NGEF: variants seen among roughly 807,000 people sequenced by gnomAD.
NGEF encodes neuronal guanine nucleotide exchange factor, also known as ephexin-1.
NGEF carries 31 observed loss-of-function variants against 80.9 expected under a neutral mutation model. The ratio of observed to expected loss-of-function variants is 0.38; its 90% CI spans 0.29 to 0.52. NGEF has a LOEUF of 0.52. Ranked by LOEUF, NGEF falls within the 20% of genes least tolerant of loss-of-function variation. NGEF has a pLI of 0.84. For missense variants in NGEF, 709 were observed against 926.2 expected (o/e 0.77, Z 3.04); for synonymous variants, 371 against 370.2 (o/e 1.00, Z -0.03).
intron 5 of NGEF, among the ~76,000 whole-genome samples, chr2:232,896,526 A>AGGTAG (rs1215344067): frequency 3.3e-5 from 1 of 30,318 alleles, no homozygotes; most frequent in Admixed American, 4.4e-4. Context: ...GGTAAGGGTG[A>AGGTAG]GGGTGGGGGT....
At chr2:232,912,228 T>C (rs1167247093) in intron 5 of NGEF, among the ~76,000 whole-genome samples, 4 of 152,226 alleles carry the variant, frequency 2.6e-5, no homozygotes, top group African/African-American at 9.6e-5. Flanking sequence ...ATACTGAATT[T>C]TGTCAAATGC....
intron 5 of NGEF, among the ~76,000 whole-genome samples, chr2:232,918,586 G>T (rs941341032): frequency 6.7e-6 from 1 of 149,206 alleles, no homozygotes; most frequent in Non-Finnish European, 1.5e-5. Context: ...GTTGTAAAAG[G>T]TTTCTAACAT....
intron 8 of NGEF, chr2:232,891,066 C>G: frequency 5.6e-6 from 3 of 531,854 alleles, no homozygotes; most frequent in Non-Finnish European, 1.1e-5. Context: ...GACCCGCCCC[C>G]ATCGCTGCAA....
chr2:232,989,517 T>C (rs966755712), intron 1 of NGEF, among the ~76,000 whole-genome samples: 1 of 152,120 alleles, frequency 6.6e-6, no homozygotes. Flanking sequence ...AAATATGTCT[T>C]TTGAGAAAAA....
intron 3 of NGEF, among the ~76,000 whole-genome samples, chr2:232,945,936 G>A (rs1305885034): frequency 2.0e-5 from 3 of 151,840 alleles, no homozygotes; most frequent in Non-Finnish European, 4.4e-5. Context: ...CATGTTTATA[G>A]CAGCACAATT....
chr2:232,919,782 C>G (rs906150276), intron 5 of NGEF, among the ~76,000 whole-genome samples: 3 of 152,192 alleles, frequency 2.0e-5, no homozygotes, highest in Admixed American at 6.5e-5. Flanking sequence ...ATTTCTGCAG[C>G]ATTTCAGGAG....
chr2:232,907,008 C>T (rs565598291), intron 5 of NGEF, among the ~76,000 whole-genome samples: 1 of 151,324 alleles, frequency 6.6e-6, no homozygotes, highest in Non-Finnish European at 1.5e-5. Flanking sequence ...GTCATCACCA[C>T]TCCCTAATCT....
At chr2:232,988,032 G>T (rs1694568744) in intron 1 of NGEF, among the ~76,000 whole-genome samples, 1 of 105,074 alleles carries the variant, frequency 9.5e-6, no homozygotes, top group Non-Finnish European at 2.0e-5. Context: ...GGAAGGGATG[G>T]TCTCGTGTGT....
chr2:232,941,635 AG>A (rs1231700146), intron 3 of NGEF, among the ~76,000 whole-genome samples: 1 of 152,184 alleles, frequency 6.6e-6, no homozygotes, highest in Non-Finnish European at 1.5e-5. Flanking sequence ...TTATGTAATA[AG>A]GGGGAGAAAG....
intron 5 of NGEF, among the ~76,000 whole-genome samples, chr2:232,905,283 T>G (rs1336702844): frequency 1.3e-5 from 2 of 152,244 alleles, no homozygotes; most frequent in Non-Finnish European, 2.9e-5. Context: ...CGTATTTTTT[T>G]GGTGGAAACG....
intron 1 of NGEF, among the ~76,000 whole-genome samples, chr2:232,983,367 C>A (rs894846204): frequency 2.0e-5 from 3 of 151,806 alleles, no homozygotes; most frequent in Admixed American, 1.3e-4. Flanking sequence ...GAGGAGGGGA[C>A]CTTTTAGGAC....
intron 5 of NGEF, among the ~76,000 whole-genome samples, chr2:232,908,595 G>A (rs989559112): frequency 6.6e-6 from 1 of 151,820 alleles, no homozygotes; most frequent in Non-Finnish European, 1.5e-5. Context: ...GCGGAGATAG[G>A]GTCTTGCGAT....
At chr2:232,930,413 G>A (rs1011146522) in intron 3 of NGEF, among the ~76,000 whole-genome samples, 2 of 151,692 alleles carry the variant, frequency 1.3e-5, no homozygotes, top group Non-Finnish European at 2.9e-5. Flanking sequence ...TCTGCCTCCC[G>A]GGTTCAAGCG....
rs1321892186 is a variant in NGEF at position 232,892,080 on chromosome 2, C to T, written c.1143-593G>A. 6.6e-6 allele frequency among the ~76,000 whole-genome samples: 1 copy of T among 152,064 alleles called. No individual in the cohort carries two copies. Among genetic ancestry groups the T allele is most frequent in the Non-Finnish European group, 1.5e-5 (1 of 68,040 alleles). On this transcript the variant is annotated intron_variant, in intron 7 of 14. Transcript: ENST00000264051. This position sits in a 1 kb window ranked among gnomAD's most constrained non-coding sequence, Gnocchi z 4.0. ...CTGGCGGGGGCCACAGCGGCAGGCT[C>T]TTGGGTGCTGTGAATGATTCCTAAT... is the stretch of plus-strand genomic sequence containing the variant.
At chr2:232,975,005 G>T in intron 1 of NGEF, 41 bp from the exon 2 acceptor site, 1 of 1,024,134 alleles carries the variant, frequency 9.8e-7, no homozygotes, top group Non-Finnish European at 1.4e-6. Flanking sequence ...TAGTCATCAG[G>T]CTAAGTATTC....
chr2:232,978,289 G>T (rs1488176847), intron 1 of NGEF, among the ~76,000 whole-genome samples: 2 of 152,040 alleles, frequency 1.3e-5, no homozygotes, highest in East Asian at 1.9e-4. Context: ...TGAGGGGGGG[G>T]ATCATTTGAG....
Position 232,892,655 on chromosome 2 carries a change from C to T in NGEF, c.1142+243G>A, listed in dbSNP as rs1011264693. Among the ~76,000 whole-genome samples the T allele has an allele frequency of 6.6e-6, 1 of 152,320 alleles. No homozygotes were observed. The highest frequency in any genetic ancestry group is 1.5e-5 in the Non-Finnish European group (1 of 68,030). ...TTGGATCCAGGTCCAGTGGATGCTA[C>T]GCTGATTCTCTTGGGGTCTGGCTGG... On this transcript the variant is annotated intron_variant, in intron 7 of 14. Transcript: ENST00000264051. The surrounding 1 kb of genome is among the most constrained non-coding windows in gnomAD (Gnocchi z 4.0).
At chr2:232,938,098 T>C (rs1485604646) in intron 3 of NGEF, among the ~76,000 whole-genome samples, 3 of 152,168 alleles carry the variant, frequency 2.0e-5, no homozygotes, top group Non-Finnish European at 4.4e-5. Flanking sequence ...TCAATGGTCA[T>C]GGGAAGCAGA....
intron 5 of NGEF, among the ~76,000 whole-genome samples, chr2:232,901,854 C>T (rs774552440): frequency 6.6e-6 from 1 of 152,360 alleles, no homozygotes; most frequent in Non-Finnish European, 1.5e-5. Flanking sequence ...GTGGGGACGT[C>T]GCCGTGACAC....
Sources: gnomAD v4.1 joint callset for allele counts (sites outside exome capture counted in the v4.1 genomes callset) on GRCh38, gnomAD v4.1.1 for gene constraint, Gnocchi (gnomAD v3.1) non-coding constraint, MANE v1.5 for transcripts, NCBI Gene and HGNC (gene_info 2026-07-23, HGNC 2026-07-21) for gene names.